The following ECH1 variants were observed in gnomAD, a reference collection of about 807,000 sequenced individuals.
ECH1 encodes the protein enoyl-CoA hydratase 1, also known as delta(3,5)-Delta(2,4)-dienoyl-CoA isomerase, mitochondrial.
In ECH1, 30 loss-of-function variants were observed where a neutral mutation model predicts 37.0. That is an observed-to-expected ratio of 0.81 (90% CI 0.61 to 1.10). The LOEUF (loss-of-function observed/expected upper bound fraction) is 1.10, where lower values mean the gene tolerates loss of function less well. Ranked by LOEUF, ECH1 falls within the 50% of genes least tolerant of loss-of-function variation. The pLI is 0.00. For synonymous variants in ECH1, 178 were observed against 176.0 expected (o/e 1.01, Z -0.09); for missense variants, 456 against 441.6 (o/e 1.03, Z -0.29).
At chr19:38,817,724 G>C (rs1395735342) in intron 3 of ECH1, 149 bp from the exon 4 acceptor site, 1 of 1,419,544 alleles carries the variant, frequency 7.0e-7, no homozygotes, top group South Asian at 1.6e-5. Context: ...GTGAGGGATT[G>C]ATTGCATGTT....
chr19:38,817,687 G>GA (rs1971600958), intron 3 of ECH1, 112 bp from the exon 4 acceptor site: 70 of 1,421,154 alleles, frequency 4.9e-5, no homozygotes, highest in Middle Eastern at 4.4e-4. Flanking sequence ...CACCAAGGCG[G>GA]AAAAAAAACA....
chr19:38,822,294 T>C (rs1435548678), intron 3 of ECH1, among the ~76,000 whole-genome samples: 7 of 148,284 alleles, frequency 4.7e-5, no homozygotes, highest in African/African-American at 1.8e-4. Context: ...TAGCTCAAGG[T>C]TTGTAAATGC....
intron 3 of ECH1, among the ~76,000 whole-genome samples, chr19:38,826,239 C>G (rs1242567029): frequency 6.6e-6 from 1 of 152,174 alleles, no homozygotes; most frequent in African/African-American, 2.4e-5. Flanking sequence ...GAACAAGTTA[C>G]CCATTTGTTG....
intron 3 of ECH1, among the ~76,000 whole-genome samples, chr19:38,825,396 C>T (rs1369389800): frequency 3.3e-5 from 5 of 152,202 alleles, no homozygotes; most frequent in East Asian, 1.9e-4. Flanking sequence ...CTGCCTTCCT[C>T]GAGCAGCTAT....
intron 3 of ECH1, among the ~76,000 whole-genome samples, chr19:38,818,926 T>C (rs1035549537): frequency 2.1e-4 from 27 of 126,410 alleles, no homozygotes; most frequent in African/African-American, 6.4e-4. Context: ...TGTGTGTGTG[T>C]GTGTGTGCAC....
chr19:38,831,475 G>T lies in ECH1; in HGVS notation c.94C>A (p.Arg32Ser). ...SNYPGLSISL[R>S]LTGSSAQEEA... ...TCTTGTGCAGAGGAGCCAGTGAGGC[G>T]AAGGCTAATACTGAGTCCCGGGTAG... Residue 32 changes from arginine (R) to serine (S), a missense_variant, in exon 2 of 10, where the codon CGC becomes AGC. Coordinates refer to ENST00000221418, the MANE Select transcript of ECH1 (RefSeq NM_001398.3). 1 of 1,614,130 alleles carries T rather than the reference G, an allele frequency of 6.2e-7. No individual in the cohort carries two copies. The highest frequency in any genetic ancestry group is 8.5e-7 in the Non-Finnish European group (1 of 1,180,022).
At chr19:38,816,398 G>T in intron 7 of ECH1, 43 bp from the exon 8 acceptor site, 1 of 1,613,912 alleles carries the variant, frequency 6.2e-7, no homozygotes, top group Non-Finnish European at 8.5e-7. Context: ...GCCACCCCGG[G>T]GCTGGGAGAT....
Position 38,817,046 on chromosome 19 carries a change from G to A in ECH1, c.588+19C>T, listed in dbSNP as rs1478674130. On this transcript the variant is annotated intron_variant, in intron 6 of 9. Transcript: ENST00000221418. ...CCCCACTGCCCAGCTCTAAGCAGGA[G>A]CTCGGGAGGATGACTCACCTTCACC... 1.3e-6 allele frequency: 2 copies of A among 1,560,888 alleles called. No individual in the cohort carries two copies. Among genetic ancestry groups the A allele is most frequent in the South Asian group, 1.2e-5 (1 of 84,532 alleles).
intron 3 of ECH1, among the ~76,000 whole-genome samples, chr19:38,830,088 C>CA (rs1419172866): frequency 2.0e-5 from 3 of 152,170 alleles, no homozygotes; most frequent in African/African-American, 7.2e-5. Flanking sequence ...ACCCAGGAAG[C>CA]AGAGGTTGCA....
Position 38,831,522 on chromosome 19 carries a change from G to A in ECH1, c.53-6C>T, listed in dbSNP as rs931022005. On this transcript the variant is annotated splice_region_variant and splice_polypyrimidine_tract_variant and intron_variant, in intron 1 of 9. Coordinates refer to ENST00000221418, the MANE Select transcript of ECH1 (RefSeq NM_001398.3). Reference sequence around the variant, plus strand: ...GTAGTTGGAGCCTGTCAGTCCTGGGGAGAAAGGAACAGCCTTTGATGACCC... The same window carrying A: ...GTAGTTGGAGCCTGTCAGTCCTGGGAAGAAAGGAACAGCCTTTGATGACCC... 32 of 1,611,930 alleles carry A rather than the reference G, an allele frequency of 2.0e-5. No homozygotes were observed. In the Middle Eastern group the frequency reaches 4.9e-4, roughly 25 times the overall value.
At chr19:38,816,675 C>A (rs1971582060) in intron 6 of ECH1, 152 bp from the exon 7 acceptor site, 1 of 984,584 alleles carries the variant, frequency 1.0e-6, no homozygotes, top group East Asian at 2.6e-5. Context: ...GCCCAGGCAG[C>A]TTCTTGACTC....
intron 3 of ECH1, among the ~76,000 whole-genome samples, chr19:38,821,225 T>C (rs565530451): frequency 3.7e-4 from 56 of 151,174 alleles, no homozygotes; most frequent in Admixed American, 3.4e-3. Flanking sequence ...GTGGGAGGGG[T>C]TGAGCTCAGG....
At chr19:38,816,246 C>T (rs779215694) in intron 8 of ECH1, 38 bp downstream of exon 8, 1 of 1,608,394 alleles carries the variant, frequency 6.2e-7, no homozygotes, top group Non-Finnish European at 8.5e-7. Context: ...CCAGGCCTGG[C>T]TGCCCCCAGC....
At chr19:38,822,066 CA>C (rs1971671313) in intron 3 of ECH1, among the ~76,000 whole-genome samples, 1 of 150,198 alleles carries the variant, frequency 6.7e-6, no homozygotes, top group Non-Finnish European at 1.5e-5. Context: ...GTAAATACAC[CA>C]ATCAGCACTC....
intron 3 of ECH1, among the ~76,000 whole-genome samples, chr19:38,829,107 A>AG (rs1413522113): frequency 3.3e-5 from 5 of 151,228 alleles, no homozygotes; most frequent in Admixed American, 2.6e-4. Flanking sequence ...CAAAATGGTG[A>AG]GACCCCGTCT....
intron 6 of ECH1, chr19:38,816,818 C>T (rs995758266): frequency 1.4e-5 from 9 of 626,364 alleles, no homozygotes; most frequent in East Asian, 2.7e-5. Context: ...CATCCCCCGG[C>T]TCCATCCTGC....
intron 3 of ECH1, among the ~76,000 whole-genome samples, chr19:38,819,980 T>C (rs1971637672): frequency 7.0e-6 from 1 of 143,006 alleles, no homozygotes; most frequent in Non-Finnish European, 1.5e-5. Context: ...GAAAAGAAAA[T>C]GGCAGGACAG....
Position 38,831,395 on chromosome 19 carries a change from A to G in ECH1, c.174T>C (p.Leu58=), listed in dbSNP as rs2145392844. The change falls in exon 2 of 10, where the codon CTT becomes CTC. Residue 58 remains leucine (L), a synonymous_variant. Transcript: ENST00000221418. The part of the protein sequence containing the change: ...GEAPDHSYES[L]RVTSAQKHVL... ...CATGTTTCTGCGCAGACGTCACACG[A>G]AGGGACTCATAGCTGTGGTCTGGGG... 6.2e-7 allele frequency: 1 copy of G among 1,614,028 alleles called. No individual in the cohort carries two copies. Among genetic ancestry groups the G allele is most frequent in the Middle Eastern group, 1.6e-4 (1 of 6,062 alleles).
intron 6 of ECH1, 111 bp from the exon 7 acceptor site, chr19:38,816,634 C>G: frequency 7.8e-7 from 1 of 1,274,742 alleles, no homozygotes; most frequent in South Asian, 1.3e-5. Flanking sequence ...CACCTTCACC[C>G]CAGTGACTTC....
Sources: gnomAD v4.1 joint callset for allele counts (sites outside exome capture counted in the v4.1 genomes callset) on GRCh38, gnomAD v4.1.1 for gene constraint, MANE v1.5 for transcripts, NCBI Gene and HGNC (gene_info 2026-07-23, HGNC 2026-07-21) for gene names.